The following DNAI7 variants were observed in gnomAD, a reference collection of about 807,000 sequenced individuals.
DNAI7 encodes dynein axonemal intermediate chain 7, also known as cancer susceptibility 1.
DNAI7 carries 78 observed loss-of-function variants against 86.6 expected under a neutral mutation model. The ratio of observed to expected loss-of-function variants is 0.90; its 90% CI spans 0.75 to 1.09. The LOEUF (loss-of-function observed/expected upper bound fraction) is 1.09. Ranked by LOEUF, DNAI7 falls within the 50% of genes least tolerant of loss-of-function variation. The pLI is 0.00. For synonymous variants in DNAI7, 274 were observed against 273.0 expected (o/e 1.00, Z -0.04); for missense variants, 753 against 810.2 (o/e 0.93, Z 0.86).
intron 2 of DNAI7, among the ~76,000 whole-genome samples, chr12:25,171,318 A>G (rs1948105548): frequency 6.6e-6 from 1 of 152,214 alleles, no homozygotes; most frequent in African/African-American, 2.4e-5. Flanking sequence ...CTGAAATACA[A>G]AAGACATTCA....
At chr12:25,148,178 T>C (rs1026484140) in intron 7 of DNAI7, among the ~76,000 whole-genome samples, 6 of 152,218 alleles carry the variant, frequency 3.9e-5, no homozygotes, top group South Asian at 2.1e-4. Flanking sequence ...CTGTCCCATA[T>C]TGTGGATTTC....
intron 2 of DNAI7, among the ~76,000 whole-genome samples, chr12:25,172,603 T>A (rs1948260766): frequency 6.6e-6 from 1 of 151,906 alleles, no homozygotes; most frequent in African/African-American, 2.4e-5. Context: ...AAAAAACAAT[T>A]CTAAAATTCA....
chr12:25,145,841 C>T (rs1291591933), intron 8 of DNAI7, among the ~76,000 whole-genome samples: 1 of 152,168 alleles, frequency 6.6e-6, no homozygotes. Flanking sequence ...AATTTGCCAT[C>T]GTCACTGTCA....
chr12:25,158,556 G>A lies in DNAI7; in HGVS notation c.114C>T (p.Ala38=), dbSNP rs934602560. The change falls in exon 4 of 16, where the codon GCC becomes GCT. Residue 38 remains alanine (A), a synonymous_variant. Transcript: ENST00000395987. Reference sequence around the variant, plus strand: ...TTTCTTCTTTCTCATATTTCAAACGGGCTTCCTCTAAAGAACCAAAAATAA... The same window carrying A: ...TTTCTTCTTTCTCATATTTCAAACGAGCTTCCTCTAAAGAACCAAAAATAA... ...EERRLKEEEE[A]RLKYEKEEME... The A allele has an allele frequency of 1.2e-6, 2 of 1,610,898 alleles. No individual in the cohort carries two copies. Among genetic ancestry groups the A allele is most frequent in the Non-Finnish European group, 1.7e-6 (2 of 1,178,856 alleles).
At chr12:25,162,731 ATCG>A (rs1158784593) in intron 2 of DNAI7, among the ~76,000 whole-genome samples, 2 of 152,108 alleles carry the variant, frequency 1.3e-5, no homozygotes, top group African/African-American at 4.8e-5. Flanking sequence ...TTCACAGTTC[ATCG>A]CCCTTATCAC....
At chr12:25,183,489 G>T (rs1949754331) in intron 2 of DNAI7, among the ~76,000 whole-genome samples, 1 of 152,008 alleles carries the variant, frequency 6.6e-6, no homozygotes, top group African/African-American at 2.4e-5. Flanking sequence ...TTGTCTTAAA[G>T]TCTATTGTGT....
rs1410628417 is a variant in DNAI7, at chr12:25,154,350, T to G, written c.407A>C (p.Glu136Ala). The change falls in exon 6 of 16, where the codon GAA becomes GCA. Residue 136 changes from glutamate (E) to alanine (A), a missense_variant. Transcript: ENST00000395987. Reference sequence around the variant, plus strand: ...CACTACTTTACTCTTCTCAATCACTTCCTCAAAAGTCTCATTTGTTTTCTC... The same window carrying G: ...CACTACTTTACTCTTCTCAATCACTGCCTCAAAAGTCTCATTTGTTTTCTC... ...WKEKTNETFE[E>A]VIEKSKVVLN... The G allele has an allele frequency of 1.2e-6, 2 of 1,609,890 alleles. No individual in the cohort carries two copies. The highest frequency in any genetic ancestry group is 1.7e-5 in the Admixed American group (1 of 58,640).
intron 4 of DNAI7, among the ~76,000 whole-genome samples, chr12:25,157,470 T>C (rs1946322804): frequency 6.6e-6 from 1 of 152,092 alleles, no homozygotes; most frequent in Admixed American, 6.5e-5. Context: ...TCCAGCTGTC[T>C]TCTGTTAAGT....
intron 2 of DNAI7, among the ~76,000 whole-genome samples, chr12:25,172,293 C>T (rs1274328060): frequency 2.6e-5 from 4 of 152,118 alleles, no homozygotes; most frequent in Non-Finnish European, 5.9e-5. Context: ...AGTAGTTCTT[C>T]TATACACCAA....
chr12:25,141,700 C>T (rs1470301070), intron 9 of DNAI7, among the ~76,000 whole-genome samples: 1 of 152,068 alleles, frequency 6.6e-6, no homozygotes, highest in African/African-American at 2.4e-5. Context: ...CGTGGTGGCA[C>T]GTGCCGGCAA....
rs1222302066 is a variant in DNAI7, at chr12:25,124,081, A to T, written c.1003-795T>A. ...GTGTGTGCTAATACTTGCAAATTGA[A>T]TGACATCCAGCAAACTTCACTTGAC... is the stretch of plus-strand genomic sequence containing the variant. On this transcript the variant is annotated intron_variant, in intron 9 of 15. Transcript: ENST00000395987. Among the ~76,000 whole-genome samples, 13 of 125,986 alleles carry T rather than the reference A, an allele frequency of 1.0e-4. No homozygotes were observed. In the Admixed American group the frequency reaches 1.1e-3, roughly 10 times the overall value. 82.7% of individuals were successfully genotyped at this position (125,986 alleles called of 152,430 possible). A position where few individuals can be genotyped will look rare whatever the true frequency, so the allele number is the denominator to read the frequency against.
intron 2 of DNAI7, among the ~76,000 whole-genome samples, chr12:25,166,198 G>A (rs1163343574): frequency 6.6e-6 from 1 of 152,094 alleles, no homozygotes; most frequent in Non-Finnish European, 1.5e-5. Flanking sequence ...CTACAGCATG[G>A]CCTTTTAAAG....
At chr12:25,145,068 T>C (rs12423778) in intron 8 of DNAI7, among the ~76,000 whole-genome samples, 17,565 of 152,250 alleles carry the variant, frequency 0.12, 1,360 homozygotes, top group Admixed American at 0.16. Context: ...AGGTTTGTAA[T>C]ATGAGCTTTA....
chr12:25,192,432 C>T (rs1950610017), intron 1 of DNAI7, among the ~76,000 whole-genome samples: 1 of 152,144 alleles, frequency 6.6e-6, no homozygotes, highest in Non-Finnish European at 1.5e-5. Flanking sequence ...ATATGGGAAG[C>T]TTGTTAGAAA....
At chr12:25,161,028 G>T in intron 3 of DNAI7, 85 bp downstream of exon 3, 1 of 971,588 alleles carries the variant, frequency 1.0e-6, no homozygotes, top group Non-Finnish European at 1.6e-6. Flanking sequence ...AAAGAACTTT[G>T]AAAAAATATT....
intron 12 of DNAI7, among the ~76,000 whole-genome samples, chr12:25,118,375 TG>T (rs140686989): frequency 0.059 from 8,967 of 152,268 alleles, 361 homozygotes; most frequent in Non-Finnish European, 0.089. Flanking sequence ...GCTATTCTCC[TG>T]CCTCAGCCTG....
intron 2 of DNAI7, among the ~76,000 whole-genome samples, chr12:25,176,762 T>G (rs1446176430): frequency 3.9e-5 from 6 of 151,926 alleles, no homozygotes; most frequent in African/African-American, 1.4e-4. Flanking sequence ...TTCTTTATAG[T>G]TTTCTAACGT....
intron 13 of DNAI7, among the ~76,000 whole-genome samples, chr12:25,113,102 C>A (rs1939286967): frequency 6.6e-6 from 1 of 152,146 alleles, no homozygotes; most frequent in South Asian, 2.1e-4. Flanking sequence ...AAAGGAGGCT[C>A]CAGCAATACA....
At chr12:25,111,422 C>T (rs573463615) in intron 14 of DNAI7, among the ~76,000 whole-genome samples, 47 of 152,290 alleles carry the variant, frequency 3.1e-4, no homozygotes, top group Non-Finnish European at 5.6e-4. Flanking sequence ...TTCTGCCTAA[C>T]TTACCATGTT....
Sources: gnomAD v4.1 joint callset for allele counts (sites outside exome capture counted in the v4.1 genomes callset) on GRCh38, gnomAD v4.1.1 for gene constraint, MANE v1.5 for transcripts, NCBI Gene and HGNC (gene_info 2026-07-23, HGNC 2026-07-21) for gene names.